PPP1R42: variants seen among roughly 807,000 people sequenced by gnomAD.
PPP1R42 encodes leucine rich repeat containing 67.
In PPP1R42, 34 loss-of-function variants were observed where a neutral mutation model predicts 31.0. The ratio of observed to expected loss-of-function variants is 1.10; its 90% CI spans 0.83 to 1.46. The LOEUF (loss-of-function observed/expected upper bound fraction) is 1.46. PPP1R42 is among the 40% of genes most tolerant of loss of function. The pLI is 0.00. For synonymous variants in PPP1R42, 103 were observed against 109.8 expected, an observed-to-expected ratio of 0.94 and a Z score of 0.39; for missense variants, 268 against 303.0, an observed-to-expected ratio of 0.88 and a Z score of 0.86.
intron 6 of PPP1R42, among the ~76,000 whole-genome samples, chr8:66,982,949 A>C (rs991412342): frequency 2.0e-5 from 3 of 149,766 alleles, no homozygotes; most frequent in Non-Finnish European, 3.0e-5. Flanking sequence ...GATAATTAAA[A>C]GCTTTTTTTT....
intron 3 of PPP1R42, 130 bp from the exon 4 acceptor site, chr8:67,013,226 T>G (rs1815896928): frequency 3.1e-6 from 2 of 643,940 alleles, no homozygotes; most frequent in Admixed American, 3.5e-5. Flanking sequence ...TGTGTTATAT[T>G]GAATCTATGA....
At chr8:66,966,077 G>A (rs1814373421) in intron 7 of PPP1R42, among the ~76,000 whole-genome samples, 1 of 152,056 alleles carries the variant, frequency 6.6e-6, no homozygotes, top group Non-Finnish European at 1.5e-5. Flanking sequence ...ATCCATTCTA[G>A]TACATGTTAT....
intron 5 of PPP1R42, among the ~76,000 whole-genome samples, chr8:67,002,682 T>C (rs1815531808): frequency 6.6e-6 from 1 of 150,914 alleles, no homozygotes; most frequent in African/African-American, 2.4e-5. Flanking sequence ...TTTGCTTGTT[T>C]GTTTTGTTTT....
At position 66,988,612 on chromosome 8, in the gene PPP1R42, T is replaced by C. The variant is rs16933136; in HGVS notation, c.553-95A>G. On this transcript the variant is annotated intron_variant, in intron 5 of 7. Transcript: ENST00000685739. ...TTGTTTTTAAAGGTAATTACTGCTT[T>C]CATGGAGTTCTAGCTCAGAGCCAGG... 9.3e-4 allele frequency: 1,062 copies of C among 1,143,154 alleles called. 2 individuals are homozygous for C. The highest frequency in any genetic ancestry group is 6.1e-3 in the Middle Eastern group (28 of 4,616). 70.8% of individuals were successfully genotyped at this position (1,143,154 alleles called of 1,614,324 possible).
Position 67,014,579 on chromosome 8 carries a change from A to C in PPP1R42, c.143T>G (p.Leu48Arg). Residue 48 changes from leucine to arginine, a missense_variant, in exon 3 of 8, where the codon CTT becomes CGT. Transcript: ENST00000685739. ...ATATAAAACACTAAGATTTTTGCAAAGAGAGAGGTCTTCCTAAAAGGGAAA... is the reference window on the plus strand; with the variant it reads ...ATATAAAACACTAAGATTTTTGCAACGAGAGAGGTCTTCCTAAAAGGGAAA... Reference protein sequence around the residue: ...KNIDAIEDLSLCKNLSVLYLY... With the variant: ...KNIDAIEDLSRCKNLSVLYLY... 1 of 1,526,400 alleles carries C rather than the reference A, an allele frequency of 6.6e-7. No individual in the cohort carries two copies. Among genetic ancestry groups the C allele is most frequent in the Non-Finnish European group, 8.9e-7 (1 of 1,125,560 alleles). 94.6% of individuals were successfully genotyped at this position (1,526,400 alleles called of 1,614,324 possible). A position where few individuals can be genotyped will look rare whatever the true frequency, so the allele number is the denominator to read the frequency against.
At chr8:67,019,901 CCAAAAAAACAAACAAA>C (rs1399315856) in intron 1 of PPP1R42, among the ~76,000 whole-genome samples, 1 of 150,784 alleles carries the variant, frequency 6.6e-6, no homozygotes, top group Non-Finnish European at 1.5e-5. Flanking sequence ...AAAAAAAAAA[CCAAAAAAACAAACAAA>C]CAAAAAAACT....
At chr8:67,012,788 T>C (rs1241507265) in intron 4 of PPP1R42, 170 bp downstream of exon 4, 2 of 489,636 alleles carry the variant, frequency 4.1e-6, no homozygotes, top group Non-Finnish European at 6.7e-6. Context: ...ATGCTGAGTC[T>C]CTGAGATTGT....
At chr8:67,003,338 G>A (rs1310148544) in intron 5 of PPP1R42, among the ~76,000 whole-genome samples, 2 of 108,572 alleles carry the variant, frequency 1.8e-5, no homozygotes, top group Admixed American at 1.8e-4. Context: ...TCATTTCTGG[G>A]TTTTTTTTTT....
intron 5 of PPP1R42, among the ~76,000 whole-genome samples, chr8:67,004,136 G>A (rs1406796361): frequency 6.6e-6 from 1 of 151,564 alleles, no homozygotes; most frequent in Non-Finnish European, 1.5e-5. Flanking sequence ...ACTAATTTAT[G>A]AGGGCAGAGC....
chr8:66,971,780 A>G (rs1296890517), intron 7 of PPP1R42, among the ~76,000 whole-genome samples: 2 of 152,230 alleles, frequency 1.3e-5, no homozygotes, highest in Non-Finnish European at 2.9e-5. Flanking sequence ...CTATATGGCT[A>G]TACTTAGGAT....
At chr8:66,995,279 T>C (rs1013426422) in intron 5 of PPP1R42, among the ~76,000 whole-genome samples, 3 of 152,200 alleles carry the variant, frequency 2.0e-5, no homozygotes, top group Non-Finnish European at 4.4e-5. Flanking sequence ...TTATTTAAAA[T>C]GAACCACAAA....
chr8:67,016,407 C>A (rs2129537010), intron 2 of PPP1R42, among the ~76,000 whole-genome samples: 2 of 152,244 alleles, frequency 1.3e-5, no homozygotes. Flanking sequence ...ACAACAGATA[C>A]CAACACAAAT....
At chr8:66,977,707 T>C (rs1455056959) in intron 7 of PPP1R42, among the ~76,000 whole-genome samples, 1 of 152,006 alleles carries the variant, frequency 6.6e-6, no homozygotes, top group Non-Finnish European at 1.5e-5. Context: ...GGTTTCACCA[T>C]ATTGGCCAGG....
rs148447122 is a variant in PPP1R42, at chr8:66,980,067, T to G, written c.802+1982A>C. On this transcript the variant is annotated intron_variant, in intron 7 of 7. Transcript: ENST00000685739. Reference sequence around the variant, plus strand: ...CCTTACCCTAGGTCTAGTTCTGCCCTTCACAGCCAGCCAGGAATGAACAGA... The same window carrying G: ...CCTTACCCTAGGTCTAGTTCTGCCCGTCACAGCCAGCCAGGAATGAACAGA... Among the ~76,000 whole-genome samples, 389 of 152,256 alleles carry G rather than the reference T, an allele frequency of 2.6e-3. 12 individuals carry two copies. In the East Asian group the frequency reaches 0.064, roughly 25 times the overall value.
At chr8:67,013,208 T>G (rs1815896470) in intron 3 of PPP1R42, 112 bp from the exon 4 acceptor site, 3 of 799,068 alleles carry the variant, frequency 3.8e-6, no homozygotes, top group Non-Finnish European at 5.6e-6. Flanking sequence ...ATTATAAATG[T>G]GGAATGTTGT....
chr8:66,974,983 C>T (rs192336367), intron 7 of PPP1R42, among the ~76,000 whole-genome samples: 12 of 152,190 alleles, frequency 7.9e-5, no homozygotes, highest in African/African-American at 2.6e-4. Flanking sequence ...TTCAGTGGTT[C>T]CATATGAATT....
intron 1 of PPP1R42, among the ~76,000 whole-genome samples, chr8:67,019,446 G>T (rs1273154919): frequency 1.4e-5 from 2 of 144,360 alleles, no homozygotes. Context: ...CACCATCTTG[G>T]CCAGGCTGGT....
chr8:66,979,968 G>T (rs1814781102), intron 7 of PPP1R42, among the ~76,000 whole-genome samples: 1 of 151,994 alleles, frequency 6.6e-6, no homozygotes. Flanking sequence ...CCAATTCTGG[G>T]GTGAGGGCTG....
At position 66,981,203 on chromosome 8, in the gene PPP1R42, C is replaced by T. The variant is rs562483174; in HGVS notation, c.802+846G>A. ...AACTGTTACACATTACTCTTAGTTA[C>T]ATTTTGTTGCATTAGTTAGGCAAGG... is the stretch of plus-strand genomic sequence containing the variant. On this transcript the variant is annotated intron_variant, in intron 7 of 7. Transcript: ENST00000685739. Among the ~76,000 whole-genome samples the T allele has an allele frequency of 3.0e-4, 45 of 152,152 alleles. No individual in the cohort carries two copies. In the Middle Eastern group the frequency reaches 0.02, roughly 69 times the overall value.
Sources: gnomAD v4.1 joint callset for allele counts (sites outside exome capture counted in the v4.1 genomes callset) on GRCh38, gnomAD v4.1.1 for gene constraint, MANE v1.5 for transcripts, NCBI Gene and HGNC (gene_info 2026-07-23, HGNC 2026-07-21) for gene names.